The following COL25A1 variants were observed in gnomAD, a reference collection of about 807,000 sequenced individuals.
COL25A1 encodes the protein collagen type XXV alpha 1 chain.
A neutral mutation model predicts 128.4 loss-of-function variants in COL25A1; 103 were observed. That is an observed-to-expected ratio of 0.80 (90% CI 0.68 to 0.94). The LOEUF (loss-of-function observed/expected upper bound fraction) is 0.94, where lower values mean the gene tolerates loss of function less well. COL25A1 is among the 40% of genes least tolerant of loss of function. The pLI, the probability that COL25A1 is intolerant of heterozygous loss-of-function variation, is 0.00. For synonymous variants in COL25A1, 279 were observed against 277.2 expected (o/e 1.01, Z -0.06); for missense variants, 745 against 840.0 (o/e 0.89, Z 1.40).
At chr4:108,856,407 T>A (rs1191970951) in intron 24 of COL25A1, among the ~76,000 whole-genome samples, 1 of 152,198 alleles carries the variant, frequency 6.6e-6, no homozygotes, top group African/African-American at 2.4e-5. Flanking sequence ...ATTTATCTGA[T>A]TATCCTAGAG....
At chr4:108,841,977 T>C (rs1038100907) in intron 30 of COL25A1, among the ~76,000 whole-genome samples, 1 of 152,164 alleles carries the variant, frequency 6.6e-6, no homozygotes, top group African/African-American at 2.4e-5. Flanking sequence ...CTGCCAGGGT[T>C]ACATGGAAGA....
chr4:108,927,765 T>C (rs1173604503), intron 11 of COL25A1, among the ~76,000 whole-genome samples: 3 of 152,190 alleles, frequency 2.0e-5, no homozygotes, highest in Non-Finnish European at 4.4e-5. Context: ...TTGGTGTTTC[T>C]CAAAATCATG....
At chr4:108,954,185 G>C (rs906509818) in intron 8 of COL25A1, among the ~76,000 whole-genome samples, 3 of 152,006 alleles carry the variant, frequency 2.0e-5, no homozygotes, top group African/African-American at 7.2e-5. Context: ...TGAGAATTAT[G>C]GTTTCTCTGG....
chr4:109,134,533 A>G (rs1277607506), intron 3 of COL25A1, among the ~76,000 whole-genome samples: 1 of 152,176 alleles, frequency 6.6e-6, no homozygotes, highest in Non-Finnish European at 1.5e-5. Context: ...ATTTCCAATG[A>G]GAGTCACTAA....
intron 5 of COL25A1, among the ~76,000 whole-genome samples, chr4:109,026,858 C>T (rs1345634466): frequency 3.9e-5 from 6 of 151,960 alleles, no homozygotes; most frequent in South Asian, 4.2e-4. Flanking sequence ...AAGAAGAATG[C>T]GGAGAAAGAA....
At chr4:108,930,602 T>C (rs1746623253) in intron 11 of COL25A1, among the ~76,000 whole-genome samples, 1 of 152,166 alleles carries the variant, frequency 6.6e-6, no homozygotes, top group Non-Finnish European at 1.5e-5. Context: ...GGCTGAGTCT[T>C]ATAAAGTTGA....
chr4:108,943,035 C>T (rs61260824), intron 8 of COL25A1, among the ~76,000 whole-genome samples: 6,664 of 152,086 alleles, frequency 0.044, 368 homozygotes, highest in African/African-American at 0.13. Flanking sequence ...GGATTACAGG[C>T]GTGAACCACC....
chr4:108,926,397 T>C (rs1420830142), intron 11 of COL25A1, among the ~76,000 whole-genome samples: 4 of 152,204 alleles, frequency 2.6e-5, no homozygotes, highest in Non-Finnish European at 4.4e-5. Flanking sequence ...AGGTGGTCCA[T>C]CTGTGAAGGG....
intron 3 of COL25A1, among the ~76,000 whole-genome samples, chr4:109,212,625 A>G (rs1777663897): frequency 6.6e-6 from 1 of 152,198 alleles, no homozygotes; most frequent in African/African-American, 2.4e-5. Flanking sequence ...ATCAACTGTT[A>G]TATAGACTAT....
intron 18 of COL25A1, among the ~76,000 whole-genome samples, chr4:108,885,001 C>A (rs1740613438): frequency 6.6e-6 from 1 of 152,146 alleles, no homozygotes. Flanking sequence ...CTCCTGAATT[C>A]TACTAAAGAA....
At chr4:108,859,332 A>G (rs1021605498) in intron 24 of COL25A1, among the ~76,000 whole-genome samples, 1 of 152,152 alleles carries the variant, frequency 6.6e-6, no homozygotes, top group African/African-American at 2.4e-5. Context: ...AGAGGCACAG[A>G]GCTCTTGATT....
chr4:109,075,679 A>T (rs1382700121), intron 3 of COL25A1, among the ~76,000 whole-genome samples: 1 of 152,170 alleles, frequency 6.6e-6, no homozygotes, highest in African/African-American at 2.4e-5. Context: ...AATATGTAAT[A>T]AAAATATATT....
chr4:109,063,399 A>T (rs1762148569), intron 3 of COL25A1, among the ~76,000 whole-genome samples: 1 of 151,840 alleles, frequency 6.6e-6, no homozygotes, highest in African/African-American at 2.4e-5. Context: ...GCTACTCAGG[A>T]GGCTGAGGCA....
chr4:109,218,370 T>G (rs990797974), intron 3 of COL25A1, among the ~76,000 whole-genome samples: 24 of 140,552 alleles, frequency 1.7e-4, no homozygotes, highest in Non-Finnish European at 2.8e-4. Context: ...TTTTTTTTTT[T>G]TTTTTTTTTT....
intron 8 of COL25A1, among the ~76,000 whole-genome samples, chr4:108,961,189 G>A (rs893788522): frequency 2.0e-5 from 3 of 152,072 alleles, no homozygotes; most frequent in Non-Finnish European, 2.9e-5. Context: ...TTTAGATCTT[G>A]CATATGTGGA....
chr4:109,128,824 G>A (rs1188934203), intron 3 of COL25A1, among the ~76,000 whole-genome samples: 1 of 152,162 alleles, frequency 6.6e-6, no homozygotes, highest in Non-Finnish European at 1.5e-5. Flanking sequence ...AGAGAAGCTG[G>A]TATCTAAGGT....
intron 8 of COL25A1, among the ~76,000 whole-genome samples, chr4:108,953,111 T>A (rs557318071): frequency 6.6e-6 from 1 of 152,212 alleles, no homozygotes; most frequent in South Asian, 2.1e-4. Flanking sequence ...CCACCCTAAA[T>A]AAGGTTTAGC....
At chr4:109,250,219 T>A (rs1332958131) in intron 3 of COL25A1, among the ~76,000 whole-genome samples, 2 of 152,038 alleles carry the variant, frequency 1.3e-5, no homozygotes, top group Non-Finnish European at 2.9e-5. Context: ...ATAACAATAG[T>A]CTCATTATGA....
At chr4:108,861,340 G>A (rs1013254490) in intron 22 of COL25A1, among the ~76,000 whole-genome samples, 8 of 152,124 alleles carry the variant, frequency 5.3e-5, no homozygotes, top group African/African-American at 1.9e-4. Flanking sequence ...GGGGCAAAGG[G>A]AAAAAGAGCC....
Sources: allele counts gnomAD v4.1 joint callset (sites outside exome capture counted in the v4.1 genomes callset), GRCh38; gene constraint gnomAD v4.1.1; transcripts MANE v1.5; gene names NCBI Gene and HGNC (gene_info 2026-07-23, HGNC 2026-07-21).